The following DSG3 variants were observed in gnomAD, a reference collection of about 807,000 sequenced individuals.
DSG3 encodes the protein desmoglein 3.
Under a neutral mutation model 85.9 loss-of-function variants are expected in DSG3, and 63 were observed. The observed-to-expected ratio is 0.73, with a 90% CI of 0.60 to 0.90. The LOEUF (loss-of-function observed/expected upper bound fraction) is 0.90. Among genes scored for constraint, DSG3 ranks in the 40% least tolerant of loss-of-function variants. The pLI is 0.00. For missense variants in DSG3, 1,220 were observed against 1,219.9 expected (o/e 1.00, Z 0.00); for synonymous variants, 447 against 441.9 (o/e 1.01, Z -0.14).
At chr18:31,464,588 A>G (rs76986993) in intron 9 of DSG3, among the ~76,000 whole-genome samples, 1,555 of 152,330 alleles carry the variant, frequency 0.01, 12 homozygotes, top group Middle Eastern at 0.037. Context: ...CATAAGCACA[A>G]GTTACAGTGG....
intron 2 of DSG3, 65 bp downstream of exon 2, chr18:31,456,540 G>A: frequency 1.1e-6 from 1 of 883,334 alleles, no homozygotes; most frequent in Non-Finnish European, 1.6e-6. Context: ...ATTAAATTGT[G>A]TTTAGTAGAA....
In DSG3 at chr18:31,461,118, A is replaced by G. The variant is rs150610715; in HGVS notation, c.814-109A>G. ...AAAAATATAAGAATTCAGTAATAAG[A>G]AGAAGGAAATACATAATTTGAGAAA... On this transcript the variant is annotated intron_variant, in intron 7 of 15. Coordinates refer to ENST00000257189, the MANE Select transcript of DSG3 (RefSeq NM_001944.3). 2.5e-5 allele frequency: 31 copies of G among 1,243,774 alleles called. 1 individual carries two copies. Among genetic ancestry groups the G allele is most frequent in the Middle Eastern group, 5.5e-4 (2 of 3,604 alleles). The allele number at this position is 1,243,774 out of a possible 1,614,324, so 77.0% of individuals were successfully genotyped here.
At chr18:31,468,858 G>A (rs561609389) in intron 11 of DSG3, among the ~76,000 whole-genome samples, 29 of 152,216 alleles carry the variant, frequency 1.9e-4, no homozygotes, top group African/African-American at 5.8e-4. Flanking sequence ...CAGCCCCCAC[G>A]TGCTCTCATG....
At chr18:31,448,487 TG>T (rs141211093) in intron 1 of DSG3, among the ~76,000 whole-genome samples, 1,698 of 152,150 alleles carry the variant, frequency 0.011, 41 homozygotes, top group African/African-American at 0.039. Flanking sequence ...CCTTTGGGGA[TG>T]GGGGGAAAGA....
chr18:31,458,296 C>A, intron 3 of DSG3, 149 bp from the exon 4 acceptor site: 1 of 770,540 alleles, frequency 1.3e-6, no homozygotes, highest in Non-Finnish European at 2.1e-6. Flanking sequence ...ATTTCATATT[C>A]CTAGTATCTA....
intron 14 of DSG3, 135 bp downstream of exon 14, chr18:31,472,923 G>A (rs1018793010): frequency 1.4e-6 from 1 of 735,732 alleles, no homozygotes; most frequent in Non-Finnish European, 2.2e-6. Context: ...CTGAAATGGA[G>A]AAAAGCTGTT....
intron 10 of DSG3, 48 bp from the exon 11 acceptor site, chr18:31,466,482 C>A: frequency 6.5e-7 from 1 of 1,531,102 alleles, no homozygotes; most frequent in Non-Finnish European, 9.0e-7. Flanking sequence ...CTTTTTTGTA[C>A]AACTTTGTTC....
intron 14 of DSG3, among the ~76,000 whole-genome samples, chr18:31,473,393 T>A (rs1314528865): frequency 6.6e-6 from 1 of 152,232 alleles, no homozygotes; most frequent in African/African-American, 2.4e-5. Flanking sequence ...ATTAATATTA[T>A]CTGAGTGCCA....
At chr18:31,454,216 C>T (rs892546559) in intron 1 of DSG3, among the ~76,000 whole-genome samples, 1 of 152,088 alleles carries the variant, frequency 6.6e-6, no homozygotes, top group Non-Finnish European at 1.5e-5. Context: ...TTCATATTTT[C>T]GGGATGACTC....
Position 31,460,398 on chromosome 18 carries a change from C to G in DSG3, c.684+387C>G, listed in dbSNP as rs16961962. The stretch of plus-strand genomic sequence containing the variant: ...CTTCTTTTATATCACACTTTTTCTC[C>G]TGACTTCTCTTAATTTTATCCCTGC... On this transcript the variant is annotated intron_variant, in intron 6 of 15. Coordinates refer to ENST00000257189, the MANE Select transcript of DSG3 (RefSeq NM_001944.3). Among the ~76,000 whole-genome samples the G allele has an allele frequency of 5.4e-3, 822 of 152,198 alleles. 6 individuals are homozygous for G. Among genetic ancestry groups the G allele is most frequent in the African/African-American group, 0.019 (775 of 41,526 alleles).
intron 15 of DSG3, among the ~76,000 whole-genome samples, chr18:31,475,140 A>G (rs1270008405): frequency 6.6e-6 from 1 of 152,236 alleles, no homozygotes; most frequent in East Asian, 1.9e-4. Context: ...ATGAAAACAA[A>G]GAAGACTTTG....
chr18:31,457,578 T>TTTC (rs1491367918), intron 3 of DSG3, among the ~76,000 whole-genome samples: 132 of 74,946 alleles, frequency 1.8e-3, no homozygotes, highest in East Asian at 0.01. Flanking sequence ...TCTTTCTTTC[T>TTTC]TTCTTTCTTC....
chr18:31,457,245 T>A (rs1340709060), intron 3 of DSG3, 121 bp downstream of exon 3: 4 of 843,812 alleles, frequency 4.7e-6, no homozygotes, highest in Admixed American at 3.3e-5. Context: ...ACAAGTGAAC[T>A]GGTATCCTCA....
rs773998301 is a variant in DSG3 at position 31,476,204 on chromosome 18, C to A, written c.2944C>A (p.Leu982Ile). The change falls in exon 16 of 16, where the codon CTA becomes ATA. Residue 982 changes from leucine (L) to isoleucine (I), a missense_variant. Transcript: ENST00000257189. The part of the protein sequence containing the change: ...VPGNLAGPTQ[L>I]RGSHTMLCTE... ...TGGCAACCTAGCTGGCCCAACGCAG[C>A]TACGAGGGTCACATACTATGCTCTG... is the stretch of plus-strand genomic sequence containing the variant. The A allele has an allele frequency of 3.7e-6, 6 of 1,614,140 alleles. No individual in the cohort carries two copies. The highest frequency in any genetic ancestry group is 5.1e-6 in the Non-Finnish European group (6 of 1,180,000).
At chr18:31,454,454 G>C (rs925574928) in intron 1 of DSG3, among the ~76,000 whole-genome samples, 1 of 152,132 alleles carries the variant, frequency 6.6e-6, no homozygotes, top group Non-Finnish European at 1.5e-5. Flanking sequence ...ATTTGAACAC[G>C]CACTCTTTGG....
At chr18:31,448,852 C>T (rs1568083918) in intron 1 of DSG3, among the ~76,000 whole-genome samples, 1 of 152,086 alleles carries the variant, frequency 6.6e-6, no homozygotes, top group Non-Finnish European at 1.5e-5. Flanking sequence ...TTCAAGAAGT[C>T]ACAGGGAGAT....
chr18:31,448,032 C>A, intron 1 of DSG3, 107 bp downstream of exon 1: 1 of 751,408 alleles, frequency 1.3e-6, no homozygotes, highest in Non-Finnish European at 1.9e-6. Context: ...AAAAGGAGTG[C>A]AGTGGAAATC....
intron 1 of DSG3, among the ~76,000 whole-genome samples, chr18:31,450,328 C>T (rs902133625): frequency 2.0e-5 from 3 of 152,140 alleles, no homozygotes; most frequent in Admixed American, 6.6e-5. Context: ...GGGAAATGGA[C>T]ACACCAGTAT....
At chr18:31,472,192 G>T (rs2072859403) in intron 12 of DSG3, 92 bp from the exon 13 acceptor site, 3 of 1,568,840 alleles carry the variant, frequency 1.9e-6, no homozygotes, top group East Asian at 4.5e-5. Flanking sequence ...TTAAGATACT[G>T]TATTTTCTTT....
Sources: allele counts gnomAD v4.1 joint callset (sites outside exome capture counted in the v4.1 genomes callset), GRCh38; gene constraint gnomAD v4.1.1; transcripts MANE v1.5; gene names NCBI Gene and HGNC (gene_info 2026-07-23, HGNC 2026-07-21).